TNS1: variants seen among roughly 807,000 people sequenced by gnomAD.
TNS1 encodes tensin 1, also known as tensin-1.
A neutral mutation model predicts 168.6 loss-of-function variants in TNS1; 62 were observed. The observed-to-expected ratio is 0.37, with a 90% CI of 0.30 to 0.45. TNS1 has a LOEUF of 0.45. Ranked by LOEUF, TNS1 falls within the 20% of genes least tolerant of loss-of-function variation. The pLI is 1.00. For synonymous variants in TNS1, 934 were observed against 933.2 expected (o/e 1.00, Z -0.02); for missense variants, 2,240 against 2,339.4 (o/e 0.96, Z 0.88).
Position 217,817,934 on chromosome 2 carries a change from G to T in TNS1, c.4398C>A (p.Gly1466=), listed in dbSNP as rs878867519. Residue 1466 remains glycine (G), a synonymous_variant, in exon 24 of 33, where the codon GGC becomes GGA. Transcript: ENST00000682258. ...ACGGGGAGGTGGCAGGGCTGCTCAG[G>T]CCAGGGTAGTAGGCAGGGGAGACAG... ...SFPVSPAYYP[G]LSSPATSPSP... is the part of the protein sequence containing the mutation. 6.2e-7 allele frequency: 1 copy of T among 1,612,640 alleles called. No homozygotes were observed. The highest frequency in any genetic ancestry group is 8.5e-7 in the Non-Finnish European group (1 of 1,179,378).
At chr2:217,833,466 A>G (rs563375309) in intron 21 of TNS1, among the ~76,000 whole-genome samples, 3 of 152,380 alleles carry the variant, frequency 2.0e-5, no homozygotes, top group Non-Finnish European at 4.4e-5. Context: ...CGAGGTACCC[A>G]TGGCTGGCCA....
Position 217,833,132 on chromosome 2 carries a change from C to T in TNS1, c.3281-1585G>A, listed in dbSNP as rs60938175. On this transcript the variant is annotated intron_variant, in intron 21 of 32. Coordinates refer to ENST00000682258, the MANE Select transcript of TNS1 (RefSeq NM_001387777.1). ...GAGACGGTCATTCATGGAATAACCACGAAGCAGCCCCAGCCCACAGGTACG... is the reference window on the plus strand; with the variant it reads ...GAGACGGTCATTCATGGAATAACCATGAAGCAGCCCCAGCCCACAGGTACG... Among the ~76,000 whole-genome samples the T allele has an allele frequency of 1.3e-3, 197 of 152,320 alleles. 1 individual carries two copies. In the South Asian group the frequency reaches 0.017, roughly 13 times the overall value.
At chr2:217,942,872 C>T (rs886792168) in intron 3 of TNS1, among the ~76,000 whole-genome samples, 6 of 152,114 alleles carry the variant, frequency 3.9e-5, no homozygotes, top group African/African-American at 7.2e-5. Flanking sequence ...CCTGGGAGCA[C>T]AGCAGGCTTC....
intron 1 of TNS1, among the ~76,000 whole-genome samples, chr2:218,027,251 G>T (rs953000362): frequency 6.6e-6 from 1 of 151,856 alleles, no homozygotes; most frequent in African/African-American, 2.4e-5. Context: ...CTCTCTGGGG[G>T]GCCTTTCAGG....
At chr2:217,830,320 A>C (rs557683857) in intron 22 of TNS1, 1 of 1,613,064 alleles carries the variant, frequency 6.2e-7, no homozygotes, top group Non-Finnish European at 8.5e-7. Flanking sequence ...GGCTATGCCC[A>C]GCTGCGTGGC....
chr2:217,963,889 C>CAAAAAAAAAA (rs58953604), intron 3 of TNS1, among the ~76,000 whole-genome samples: 8 of 126,416 alleles, frequency 6.3e-5, no homozygotes, highest in Admixed American at 8.0e-5. Flanking sequence ...ACTAAAAATA[C>CAAAAAAAAAA]AAAAAAAAAA....
At chr2:217,901,375 T>C (rs1407143594) in intron 6 of TNS1, among the ~76,000 whole-genome samples, 1 of 152,232 alleles carries the variant, frequency 6.6e-6, no homozygotes, top group Non-Finnish European at 1.5e-5. Flanking sequence ...GCACTTCGCA[T>C]CATGCCTGGT....
intron 18 of TNS1, among the ~76,000 whole-genome samples, 176 bp from the exon 19 acceptor site, chr2:217,849,263 A>T (rs1947141957): frequency 6.6e-6 from 1 of 152,166 alleles, no homozygotes; most frequent in African/African-American, 2.4e-5. Flanking sequence ...CCTCTACCCC[A>T]GGCTTTGGGG....
chr2:217,832,700 T>C (rs752278604), intron 21 of TNS1, among the ~76,000 whole-genome samples: 22 of 152,106 alleles, frequency 1.4e-4, no homozygotes, highest in Non-Finnish European at 2.9e-4. Context: ...GCAAGCAACA[T>C]ACATAACTCG....
At chr2:217,931,243 C>T (rs1047455437) in intron 3 of TNS1, among the ~76,000 whole-genome samples, 2 of 152,164 alleles carry the variant, frequency 1.3e-5, no homozygotes, top group Non-Finnish European at 2.9e-5. Flanking sequence ...TGTTTTTCCA[C>T]CCAGAGCGAG....
chr2:217,930,515 G>A (rs1161296345), intron 3 of TNS1, among the ~76,000 whole-genome samples: 1 of 152,218 alleles, frequency 6.6e-6, no homozygotes, highest in South Asian at 2.1e-4. Flanking sequence ...GGAGGGCCAG[G>A]CTGAGGCCAA....
intron 3 of TNS1, among the ~76,000 whole-genome samples, chr2:217,943,105 G>A (rs1451579745): frequency 1.3e-5 from 2 of 152,146 alleles, no homozygotes; most frequent in Non-Finnish European, 2.9e-5. Flanking sequence ...CAGGGGGAAG[G>A]CAGCTGCCCC....
At chr2:217,969,352 A>G (rs1957723279) in intron 3 of TNS1, among the ~76,000 whole-genome samples, 1 of 152,256 alleles carries the variant, frequency 6.6e-6, no homozygotes, top group Admixed American at 6.5e-5. Context: ...TATAAGAGCC[A>G]AAACTGTAAA....
intron 3 of TNS1, among the ~76,000 whole-genome samples, chr2:217,936,116 G>A (rs1486594489): frequency 6.6e-6 from 1 of 152,156 alleles, no homozygotes; most frequent in East Asian, 1.9e-4. Context: ...CACTCACCAG[G>A]CCACGTAGAG....
In TNS1 at chr2:217,812,453, G is replaced by A; in HGVS notation, c.4955-8C>T. 2 of 1,613,790 alleles carry A rather than the reference G, an allele frequency of 1.2e-6. No individual in the cohort carries two copies. The highest frequency in any genetic ancestry group is 4.5e-5 in the East Asian group (2 of 44,874). ...CCAGGGCAGACAGCGATCCTGTAGG[G>A]AGGCAGACGGCATGTCATGGGCAGT... On this transcript the variant is annotated splice_region_variant and splice_polypyrimidine_tract_variant and intron_variant, in intron 27 of 32. Coordinates refer to ENST00000682258, the MANE Select transcript of TNS1 (RefSeq NM_001387777.1).
intron 3 of TNS1, among the ~76,000 whole-genome samples, chr2:217,920,541 G>A (rs1385084777): frequency 6.6e-6 from 1 of 150,760 alleles, no homozygotes; most frequent in Non-Finnish European, 1.5e-5. Flanking sequence ...AATAACAGAA[G>A]CTTCAGGTAA....
chr2:217,878,182 G>A (rs1156907614), intron 18 of TNS1, among the ~76,000 whole-genome samples: 2 of 152,208 alleles, frequency 1.3e-5, no homozygotes, highest in African/African-American at 4.8e-5. Flanking sequence ...GGCAAGCCCA[G>A]TGGCCTCCGG....
chr2:217,817,862 C>T lies in TNS1; in HGVS notation c.4470G>A (p.Leu1490=), dbSNP rs1322418711. Residue 1490 remains leucine (L), a synonymous_variant, in exon 24 of 33, where the codon TTG becomes TTA. Coordinates refer to ENST00000682258, the MANE Select transcript of TNS1 (RefSeq NM_001387777.1). ...AFRQGSPTPA[L]PEKRRMSVGD... is the part of the protein sequence containing the mutation. ...CCACTGACATCCTTCGCTTCTCTGGCAAGGCTGGTGTTGGGCTCCCTTGCC... is the reference window on the plus strand; with the variant it reads ...CCACTGACATCCTTCGCTTCTCTGGTAAGGCTGGTGTTGGGCTCCCTTGCC... The T allele has an allele frequency of 6.8e-6, 11 of 1,614,098 alleles. No homozygotes were observed. Among genetic ancestry groups the T allele is most frequent in the Non-Finnish European group, 9.3e-6 (11 of 1,180,042 alleles).
At chr2:217,980,068 G>C (rs1263078044) in intron 2 of TNS1, among the ~76,000 whole-genome samples, 1 of 152,130 alleles carries the variant, frequency 6.6e-6, no homozygotes, top group Non-Finnish European at 1.5e-5. Flanking sequence ...TGGGGAAGGG[G>C]GAGAAGCTGG....
Sources: allele counts gnomAD v4.1 joint callset (sites outside exome capture counted in the v4.1 genomes callset), GRCh38; gene constraint gnomAD v4.1.1; transcripts MANE v1.5; gene names NCBI Gene and HGNC (gene_info 2026-07-23, HGNC 2026-07-21).